The following RBFOX3 variants were observed in gnomAD, a reference collection of about 807,000 sequenced individuals.
The protein encoded by RBFOX3 is RNA binding fox-1 homolog 3.
A neutral mutation model predicts 48.7 loss-of-function variants in RBFOX3; 17 were observed. The ratio of observed to expected loss-of-function variants is 0.35; its 90% CI spans 0.24 to 0.52. The LOEUF (loss-of-function observed/expected upper bound fraction) is 0.52, where lower values mean the gene tolerates loss of function less well. Ranked by LOEUF, RBFOX3 falls within the 20% of genes least tolerant of loss-of-function variation. The pLI is 0.94. For synonymous variants in RBFOX3, 212 were observed against 209.5 expected, an observed-to-expected ratio of 1.01 and a Z score of -0.10; for missense variants, 382 against 497.5, an observed-to-expected ratio of 0.77 and a Z score of 2.21.
At chr17:79,442,227 GAGAGAGAGA>G (rs2071095581) in intron 2 of RBFOX3, among the ~76,000 whole-genome samples, 1 of 4,060 alleles carries the variant, frequency 2.5e-4, no homozygotes, top group African/African-American at 1.4e-3. Flanking sequence ...GAGAGAGAGA[GAGAGAGAGA>G]GAGAGAGAGA....
At chr17:79,610,804 G>T (rs903568791) in intron 1 of RBFOX3, among the ~76,000 whole-genome samples, 22 bp downstream of exon 1, 1 of 151,754 alleles carries the variant, frequency 6.6e-6, no homozygotes, top group Non-Finnish European at 1.5e-5. Context: ...AGCGAGGCGG[G>T]CGACGAGGCC....
chr17:79,618,185 C>A, the RBFOX3 span, among the ~76,000 whole-genome samples: 1 of 152,116 alleles, frequency 6.6e-6, no homozygotes, highest in Non-Finnish European at 1.5e-5. Flanking sequence ...GTTTGGGGAG[C>A]GGCGATAGCC....
At chr17:79,658,895 G>A in the RBFOX3 span, among the ~76,000 whole-genome samples, 1 of 152,224 alleles carries the variant, frequency 6.6e-6, no homozygotes, top group East Asian at 1.9e-4. Flanking sequence ...CATTTGCAAT[G>A]AGCGCTTCCT....
chr17:79,413,601 C>T (rs1442176284), intron 2 of RBFOX3, among the ~76,000 whole-genome samples: 5 of 152,240 alleles, frequency 3.3e-5, no homozygotes, highest in African/African-American at 1.2e-4. Flanking sequence ...GACTCTGAAG[C>T]CAGTGGGAAG....
At chr17:79,372,153 T>A (rs113873610) in intron 2 of RBFOX3, among the ~76,000 whole-genome samples, 6,434 of 152,118 alleles carry the variant, frequency 0.042, 192 homozygotes, top group South Asian at 0.081. Flanking sequence ...CCCGGTGCTG[T>A]GAGGGCTCCT....
chr17:79,405,244 C>T (rs1223821758), intron 2 of RBFOX3, among the ~76,000 whole-genome samples: 2 of 152,202 alleles, frequency 1.3e-5, no homozygotes, highest in African/African-American at 4.8e-5. Context: ...GGGGCATTCT[C>T]CTCCACACGC....
chr17:79,320,892 A>T (rs9900634), intron 2 of RBFOX3, among the ~76,000 whole-genome samples: 5,465 of 152,226 alleles, frequency 0.036, 135 homozygotes, highest in Non-Finnish European at 0.056. Flanking sequence ...AAAACAGATT[A>T]TTCAGCCTCC....
At chr17:79,253,726 G>A (rs549716643) in intron 3 of RBFOX3, among the ~76,000 whole-genome samples, 1 of 152,328 alleles carries the variant, frequency 6.6e-6, no homozygotes, top group East Asian at 1.9e-4. Flanking sequence ...GGTGTCCCCA[G>A]ATGAGGGCAT....
the RBFOX3 span, among the ~76,000 whole-genome samples, chr17:79,635,733 G>A: frequency 2.2e-4 from 34 of 152,144 alleles, no homozygotes; most frequent in African/African-American, 7.0e-4. Flanking sequence ...AAAAAGTTAC[G>A]GCAAATTAAG....
At chr17:79,590,021 T>A (rs1426241028) in intron 1 of RBFOX3, among the ~76,000 whole-genome samples, 6 of 152,118 alleles carry the variant, frequency 3.9e-5, no homozygotes, top group Non-Finnish European at 2.9e-5. Context: ...ACCCCCCATG[T>A]ATTCCCTGGA....
At position 79,249,008 on chromosome 17, in the gene RBFOX3, C is replaced by T. The variant is rs906214737; in HGVS notation, c.-73-13203G>A. On this transcript the variant is annotated intron_variant, in intron 3 of 14. Coordinates refer to ENST00000693108, the MANE Select transcript of RBFOX3 (RefSeq NM_001350451.2). The surrounding 1 kb of genome is among the most constrained non-coding windows in gnomAD (Gnocchi z 4.1). ...ATTCTGAGCTGGGACCTGCCTCCAT[C>T]GGCTGGGATGCGGTGCGGTCTTCCG... Among the ~76,000 whole-genome samples the T allele has an allele frequency of 3.3e-5, 5 of 152,250 alleles. No individual in the cohort carries two copies. The highest frequency in any genetic ancestry group is 1.2e-4 in the African/African-American group (5 of 41,478).
chr17:79,095,639 G>C, intron 12 of RBFOX3, 65 bp from the exon 13 acceptor site: 1 of 1,404,308 alleles, frequency 7.1e-7, no homozygotes, highest in African/African-American at 1.4e-5. Context: ...GAAAGGCTGA[G>C]TGGGGAGAGG....
intron 4 of RBFOX3, among the ~76,000 whole-genome samples, chr17:79,157,188 T>A (rs1045661402): frequency 2.0e-5 from 3 of 152,142 alleles, no homozygotes; most frequent in African/African-American, 7.2e-5. Context: ...GCTCTGCTCT[T>A]ACTCCCCGTC....
At chr17:79,154,040 C>G (rs752593219) in intron 4 of RBFOX3, among the ~76,000 whole-genome samples, 57 of 152,180 alleles carry the variant, frequency 3.7e-4, no homozygotes, top group Non-Finnish European at 5.6e-4. Flanking sequence ...TGCCTGAAAC[C>G]TCTAATGATT....
rs115813425 is a variant in RBFOX3 at position 79,291,021 on chromosome 17, C to T, written c.-74+16703G>A. Among the ~76,000 whole-genome samples, 677 of 152,318 alleles carry T rather than the reference C, an allele frequency of 4.4e-3. 8 individuals carry two copies. The highest frequency in any genetic ancestry group is 0.016 in the African/African-American group (649 of 41,562). On this transcript the variant is annotated intron_variant, in intron 3 of 14. Transcript: ENST00000693108. ...GCCTAACCTCTCCCAGTGCTTCCCA[C>T]CCCTCTCCTGGGACTTTGGGAGAGG...
intron 3 of RBFOX3, among the ~76,000 whole-genome samples, chr17:79,307,450 TC>T (rs1448792567): frequency 6.6e-6 from 1 of 152,218 alleles, no homozygotes; most frequent in Non-Finnish European, 1.5e-5. Flanking sequence ...TCTACTTACC[TC>T]CCTTGCTTGC....
chr17:79,323,773 C>T (rs375286430), intron 2 of RBFOX3, among the ~76,000 whole-genome samples: 4 of 152,184 alleles, frequency 2.6e-5, no homozygotes, highest in East Asian at 1.9e-4. Flanking sequence ...TGCCCGTGGC[C>T]GGTGGTGTGT....
intron 2 of RBFOX3, among the ~76,000 whole-genome samples, chr17:79,453,347 C>A (rs9900989): frequency 0.16 from 23,632 of 152,126 alleles, 2,103 homozygotes; most frequent in East Asian, 0.4. Context: ...GCAGAGATGG[C>A]CATAGAAGCT....
chr17:79,148,650 A>G (rs949665410), intron 4 of RBFOX3, among the ~76,000 whole-genome samples: 4 of 152,238 alleles, frequency 2.6e-5, no homozygotes, highest in African/African-American at 9.6e-5. Flanking sequence ...GAATAAACTA[A>G]GACCAAGATC....
Sources: allele counts gnomAD v4.1 joint callset (sites outside exome capture counted in the v4.1 genomes callset), GRCh38; gene constraint gnomAD v4.1.1; non-coding constraint Gnocchi (gnomAD v3.1); transcripts MANE v1.5; gene names NCBI Gene and HGNC (gene_info 2026-07-23, HGNC 2026-07-21).